Variants in CASTOR2 observed in about 807,000 individuals in gnomAD.
CASTOR2 encodes cytosolic arginine sensor for mTORC1 subunit 2.
A neutral mutation model predicts 31.2 loss-of-function variants in CASTOR2; 8 were observed. The ratio of observed to expected loss-of-function variants is 0.26; its 90% CI spans 0.15 to 0.46. The LOEUF (loss-of-function observed/expected upper bound fraction) is 0.46, where lower values mean the gene tolerates loss of function less well. Among genes scored for constraint, CASTOR2 ranks in the 20% least tolerant of loss-of-function variants. The pLI is 0.99. For synonymous variants in CASTOR2, 162 were observed against 158.7 expected (o/e 1.02, Z -0.16); for missense variants, 216 against 382.1 (o/e 0.57, Z 3.62).
chr7:75,024,392 A>G, intron 7 of CASTOR2, 48 bp from the exon 8 acceptor site: 1 of 1,543,556 alleles, frequency 6.5e-7, no homozygotes, highest in Non-Finnish European at 8.8e-7. Flanking sequence ...CACACAGGCA[A>G]GGGTAGCCAG....
chr7:74,985,683 A>G lies in CASTOR2; in HGVS notation c.113+20585A>G, dbSNP rs1275405377. On this transcript the variant is annotated intron_variant, in intron 1 of 8. Transcript: ENST00000616305. The stretch of plus-strand genomic sequence containing the variant: ...TCTGCCCTCACTAACTGTGACAGTG[A>G]GCATGTTCCATTACCCCCCAGGCCT... Among the ~76,000 whole-genome samples, 27 of 150,088 alleles carry G rather than the reference A, an allele frequency of 1.8e-4. No individual in the cohort carries two copies. The East Asian group carries it at 3.8e-3, about 21-fold the overall frequency.
chr7:74,985,695 T>G (rs1804046986), intron 1 of CASTOR2, among the ~76,000 whole-genome samples: 1 of 151,546 alleles, frequency 6.6e-6, no homozygotes, highest in Admixed American at 6.6e-5. Context: ...CATGTTCCAT[T>G]ACCCCCCAGG....
At chr7:75,014,930 A>C (rs1222645980) in intron 2 of CASTOR2, among the ~76,000 whole-genome samples, 1 of 152,336 alleles carries the variant, frequency 6.6e-6, no homozygotes, top group Middle Eastern at 3.4e-3. Flanking sequence ...CAGAGCCAGG[A>C]TTGGCCCCTC....
rs1306859804 is a variant in CASTOR2 at position 75,028,688 on chromosome 7, C to T, written c.*3989C>T. 1.3e-5 allele frequency among the ~76,000 whole-genome samples: 2 copies of T among 152,152 alleles called. No individual in the cohort carries two copies. The highest frequency in any genetic ancestry group is 4.8e-5 in the African/African-American group (2 of 41,418). On this transcript the variant is annotated 3_prime_UTR_variant, in exon 9 of 9. Transcript: ENST00000616305. The stretch of plus-strand genomic sequence containing the variant: ...GACACCCCTTCCTCCCTCAGCCCGT[C>T]GTCCTAACCCAGCAAAGATCTGGGC...
At chr7:74,997,222 AT>A (rs1203331058) in intron 1 of CASTOR2, among the ~76,000 whole-genome samples, 1 of 150,168 alleles carries the variant, frequency 6.7e-6, no homozygotes, top group Admixed American at 6.7e-5. Flanking sequence ...CCCTGCTAAT[AT>A]TTTTTTTTAG....
chr7:75,008,267 T>C (rs1804649955), intron 2 of CASTOR2, among the ~76,000 whole-genome samples: 1 of 139,136 alleles, frequency 7.2e-6, no homozygotes. Flanking sequence ...GTCCCCTCCC[T>C]GGGTTCTGGA....
chr7:74,975,237 G>C (rs1383514080), intron 1 of CASTOR2, among the ~76,000 whole-genome samples: 7 of 151,584 alleles, frequency 4.6e-5, no homozygotes, highest in Admixed American at 2.0e-4. Context: ...CAACGTGCTG[G>C]GATTACAGGC....
At chr7:74,990,396 A>G (rs1392450925) in intron 1 of CASTOR2, among the ~76,000 whole-genome samples, 1 of 147,010 alleles carries the variant, frequency 6.8e-6, no homozygotes, top group Non-Finnish European at 1.5e-5. Flanking sequence ...AAAAAAAAAC[A>G]AAAACAAAAA....
At chr7:75,008,929 C>G (rs1222068156) in intron 2 of CASTOR2, among the ~76,000 whole-genome samples, 1 of 152,104 alleles carries the variant, frequency 6.6e-6, no homozygotes, top group Non-Finnish European at 1.5e-5. Flanking sequence ...CCACTGCACT[C>G]CAGCCTGGGC....
At chr7:75,018,924 C>T in intron 4 of CASTOR2, 48 bp from the exon 5 acceptor site, 2 of 1,551,706 alleles carry the variant, frequency 1.3e-6, no homozygotes, top group South Asian at 1.2e-5. Context: ...ACCAGAGCTG[C>T]TGCTTTCAGT....
chr7:74,977,339 A>G (rs1416075102), intron 1 of CASTOR2, among the ~76,000 whole-genome samples: 3 of 151,706 alleles, frequency 2.0e-5, no homozygotes, highest in Non-Finnish European at 4.4e-5. Flanking sequence ...TGGGTGTCCA[A>G]GGTCCCTGTG....
Position 75,030,106 on chromosome 7 carries a change from GA to G in CASTOR2, c.*5408del, listed in dbSNP as rs1805258923. 6.6e-6 allele frequency among the ~76,000 whole-genome samples: 1 copy of G among 152,278 alleles called. No homozygotes were observed. The highest frequency in any genetic ancestry group is 2.1e-4 in the South Asian group (1 of 4,836). On this transcript the variant is annotated 3_prime_UTR_variant, in exon 9 of 9. Transcript: ENST00000616305. ...CATCCAGGGACAGCCTGGTGGCCGA[GA>G]GAGCTTGTGGCTGTCACTATAAGGG...
intron 1 of CASTOR2, among the ~76,000 whole-genome samples, chr7:75,005,314 A>G (rs1363855940): frequency 6.6e-6 from 1 of 152,200 alleles, no homozygotes; most frequent in African/African-American, 2.4e-5. Context: ...TGGCCTCTCC[A>G]GAATGTCATA....
In CASTOR2 at chr7:75,026,333, G is replaced by A. The variant is rs1805131159; in HGVS notation, c.*1634G>A. Among the ~76,000 whole-genome samples, 2 of 152,112 alleles carry A rather than the reference G, an allele frequency of 1.3e-5. No homozygotes were observed. Among genetic ancestry groups the A allele is most frequent in the Middle Eastern group, 3.4e-3 (1 of 294 alleles). ...GCCTCCCAAGTAGCTGGGATTACAG[G>A]CACGCACCACCACGTCTGGCTAGTT... On this transcript the variant is annotated 3_prime_UTR_variant, in exon 9 of 9. Coordinates refer to ENST00000616305, the MANE Select transcript of CASTOR2 (RefSeq NM_001145064.3).
At chr7:74,973,326 C>A (rs1803724191) in intron 1 of CASTOR2, among the ~76,000 whole-genome samples, 1 of 146,460 alleles carries the variant, frequency 6.8e-6, no homozygotes, top group South Asian at 2.2e-4. Context: ...CTAGAAGCTC[C>A]AGTAAGCTTT....
Position 75,027,476 on chromosome 7 carries a change from C to T in CASTOR2, c.*2777C>T, listed in dbSNP as rs1011401945. 1 of 159,602 alleles carries T rather than the reference C, an allele frequency of 6.3e-6. No homozygotes were observed. Among genetic ancestry groups the T allele is most frequent in the Non-Finnish European group, 1.4e-5 (1 of 71,910 alleles). 9.9% of individuals were successfully genotyped at this position (159,602 alleles called of 1,614,324 possible). A position where few individuals can be genotyped will look rare whatever the true frequency, so the allele number is the denominator to read the frequency against. On this transcript the variant is annotated 3_prime_UTR_variant, in exon 9 of 9. Transcript: ENST00000616305. ...GCCACACGCTGCCTGTGTCCTGCCT[C>T]CGTGGGTGGCACTTTTTACGCAGGC...
At chr7:74,979,314 C>T (rs1182244444) in intron 1 of CASTOR2, among the ~76,000 whole-genome samples, 1 of 146,898 alleles carries the variant, frequency 6.8e-6, no homozygotes, top group African/African-American at 2.5e-5. Context: ...AACATTGTAC[C>T]CGATAAGTAA....
At chr7:75,014,752 G>A (rs1159785340) in intron 2 of CASTOR2, among the ~76,000 whole-genome samples, 3 of 152,146 alleles carry the variant, frequency 2.0e-5, no homozygotes, top group Admixed American at 1.3e-4. Flanking sequence ...CCACACCCAC[G>A]TTTCCAGCTG....
rs1805257576 is a variant in CASTOR2 at position 75,030,070 on chromosome 7, C to T, written c.*5371C>T. On this transcript the variant is annotated 3_prime_UTR_variant, in exon 9 of 9. Coordinates refer to ENST00000616305, the MANE Select transcript of CASTOR2 (RefSeq NM_001145064.3). Reference sequence around the variant, plus strand: ...TGGAGCAGAGGCAGGAGCCTGAGGCCTGAGCCATGGCATCCAGGGACAGCC... The same window carrying T: ...TGGAGCAGAGGCAGGAGCCTGAGGCTTGAGCCATGGCATCCAGGGACAGCC... 6.6e-6 allele frequency among the ~76,000 whole-genome samples: 1 copy of T among 152,228 alleles called. No individual in the cohort carries two copies. Among genetic ancestry groups the T allele is most frequent in the Non-Finnish European group, 1.5e-5 (1 of 68,052 alleles).
Sources: allele counts gnomAD v4.1 joint callset (sites outside exome capture counted in the v4.1 genomes callset), GRCh38; gene constraint gnomAD v4.1.1; transcripts MANE v1.5; gene names NCBI Gene and HGNC (gene_info 2026-07-23, HGNC 2026-07-21).